Variants in MIA2 observed in about 807,000 individuals in gnomAD.
MIA2 encodes the protein MIA SH3 domain ER export factor 2, also known as melanoma inhibitory activity protein 2.
MIA2 carries 127 observed loss-of-function variants against 167.8 expected under a neutral mutation model. That is an observed-to-expected ratio of 0.76 (90% confidence interval 0.66 to 0.88). MIA2 has a LOEUF of 0.88. Among genes scored for constraint, MIA2 ranks in the 40% least tolerant of loss-of-function variants. MIA2 has a pLI of 0.00. For synonymous variants in MIA2, 552 were observed against 541.9 expected, an observed-to-expected ratio of 1.02 and a Z score of -0.26; for missense variants, 1,690 against 1,624.7, an observed-to-expected ratio of 1.04 and a Z score of -0.69.
chr14:39,319,162 G>T, intron 22 of MIA2, 47 bp from the exon 23 acceptor site: 1 of 1,100,726 alleles, frequency 9.1e-7, no homozygotes, highest in Admixed American at 2.2e-5. Context: ...TTCTTGTGGT[G>T]CTTCTCTTGG....
chr14:39,288,738 T>C (rs2060307825), intron 9 of MIA2, among the ~76,000 whole-genome samples: 1 of 151,412 alleles, frequency 6.6e-6, no homozygotes, highest in Non-Finnish European at 1.5e-5. Context: ...TGGGATTACA[T>C]GCGTGAGCCA....
chr14:39,312,679 T>G (rs753968597), intron 18 of MIA2, among the ~76,000 whole-genome samples: 18 of 107,182 alleles, frequency 1.7e-4, no homozygotes, highest in Non-Finnish European at 2.6e-4. Context: ...TCTCTGTGCT[T>G]CATTGTCGTT....
In MIA2 at chr14:39,247,754, A is replaced by G. The variant is rs2054376952; in HGVS notation, c.1180A>G (p.Lys394Glu). The G allele has an allele frequency of 2.5e-6, 4 of 1,613,496 alleles. No homozygotes were observed. The highest frequency in any genetic ancestry group is 3.4e-6 in the Non-Finnish European group (4 of 1,179,924). The change falls in exon 4 of 29, where the codon AAA becomes GAA. Residue 394 changes from lysine (K) to glutamate (E), a missense_variant. Physicochemically the swap from Lys to Glu is moderately conservative, Grantham distance 56 (BLOSUM62 1). Transcript: ENST00000640607. ...ILGFAYAKED[K>E]IMLDDRKNEE... ...AGGCTTTGCATATGCCAAGGAAGAT[A>G]AAATTATGTTAGATGACAGGAAAAA...
At chr14:39,347,019 C>A in intron 26 of MIA2, 1 of 183,504 alleles carries the variant, frequency 5.4e-6, no homozygotes, top group South Asian at 1.0e-4. Flanking sequence ...CAACCTCCGC[C>A]TCCTGGGTTA....
intron 6 of MIA2, among the ~76,000 whole-genome samples, chr14:39,263,258 C>G (rs772465113): frequency 1.3e-5 from 2 of 152,148 alleles, no homozygotes; most frequent in Admixed American, 1.3e-4. Context: ...GCCTTTTCTG[C>G]ATGTATTGAG....
At chr14:39,380,506 A>G (rs1222505173) in intron 23 of MIA2, among the ~76,000 whole-genome samples, 1 of 152,072 alleles carries the variant, frequency 6.6e-6, no homozygotes, top group Non-Finnish European at 1.5e-5. Flanking sequence ...CATCCTGGCC[A>G]ACATGGTGAA....
At chr14:39,285,685 C>T (rs1204952791) in intron 9 of MIA2, among the ~76,000 whole-genome samples, 8 of 148,562 alleles carry the variant, frequency 5.4e-5, no homozygotes, top group Non-Finnish European at 9.0e-5. Context: ...CCCTCCCGGT[C>T]GGGGTGGCTG....
At chr14:39,252,137 G>T (rs1016070041) in intron 4 of MIA2, among the ~76,000 whole-genome samples, 2 of 152,064 alleles carry the variant, frequency 1.3e-5, no homozygotes, top group East Asian at 1.9e-4. Context: ...TAAAGAAAAG[G>T]CTATGTAGTA....
At chr14:39,386,083 G>T (rs1210171189) in intron 23 of MIA2, 10 of 1,271,346 alleles carry the variant, frequency 7.9e-6, no homozygotes, top group African/African-American at 1.5e-5. Context: ...TAAGAAACCC[G>T]CAGCACACTC....
chr14:39,266,889 GCCGCCA>G (rs1255134720), intron 6 of MIA2: 10 of 717,382 alleles, frequency 1.4e-5, no homozygotes, highest in Non-Finnish European at 1.7e-5. Context: ...TCTCGCCGCC[GCCGCCA>G]CCGCGGCCGC....
chr14:39,238,569 C>A (rs193253636), intron 2 of MIA2, among the ~76,000 whole-genome samples: 15 of 151,630 alleles, frequency 9.9e-5, no homozygotes, highest in Non-Finnish European at 2.2e-4. Context: ...CTAAAGTGGG[C>A]GGATCACTTG....
At chr14:39,380,753 A>G (rs1263828521) in intron 23 of MIA2, among the ~76,000 whole-genome samples, 1 of 151,554 alleles carries the variant, frequency 6.6e-6, no homozygotes, top group Non-Finnish European at 1.5e-5. Context: ...GAAATCTACC[A>G]TAGGATTATA....
chr14:39,355,614 C>T (rs1212651963), downstream of MIA2, among the ~76,000 whole-genome samples: 1 of 152,126 alleles, frequency 6.6e-6, no homozygotes, highest in Non-Finnish European at 1.5e-5. Context: ...TGAGAGAGGG[C>T]ATCCCTGTCT....
chr14:39,267,372 C>A, intron 6 of MIA2: 1 of 1,593,818 alleles, frequency 6.3e-7, no homozygotes, highest in Non-Finnish European at 8.5e-7. Flanking sequence ...ATTCGGGTTC[C>A]GGACCGAAGG....
chr14:39,315,807 A>G, intron 21 of MIA2, 89 bp downstream of exon 21: 4 of 855,932 alleles, frequency 4.7e-6, no homozygotes, highest in Non-Finnish European at 7.2e-6. Context: ...ATGAAAATAA[A>G]TATAGTATTC....
Position 39,285,430 on chromosome 14 carries a change from C to G in MIA2, c.2131-5589C>G, listed in dbSNP as rs2059517875. On this transcript the variant is annotated intron_variant, in intron 9 of 28. Coordinates refer to ENST00000640607, the MANE Select transcript of MIA2 (RefSeq NM_001329214.4). ...GGCGGCTGGCCGGGCGGGGGCTGACCCCCCCACCTTCCTCCCGGACGGGGC... is the reference window on the plus strand; with the variant it reads ...GGCGGCTGGCCGGGCGGGGGCTGACGCCCCCACCTTCCTCCCGGACGGGGC... 1.5e-5 allele frequency among the ~76,000 whole-genome samples: 2 copies of G among 136,068 alleles called. 1 individual carries two copies. The highest frequency in any genetic ancestry group is 3.2e-5 in the Non-Finnish European group (2 of 61,620). The allele number at this position is 136,068 out of a possible 152,430, so 89.3% of individuals were successfully genotyped here.
In MIA2 at chr14:39,294,967, C is replaced by A; in HGVS notation, c.2434C>A (p.Leu812Met). ...FKIFQMNEERLKIAIKDALNE... is the reference protein window; with the variant it reads ...FKIFQMNEERMKIAIKDALNE... ...GATATTTCAAATGAATGAAGAACGA[C>A]TGAAGATAGCAATAAAAGATGCTTT... is the stretch of plus-strand genomic sequence containing the variant. Residue 812 changes from leucine (L) to methionine (M), a missense_variant, in exon 13 of 29, where the codon CTG (leucine) becomes ATG (methionine). By Grantham distance (15) the Leu-to-Met change is conservative. Transcript: ENST00000640607. 2 of 1,613,740 alleles carry A rather than the reference C, an allele frequency of 1.2e-6. No homozygotes were observed. Among genetic ancestry groups the A allele is most frequent in the Non-Finnish European group, 1.7e-6 (2 of 1,179,876 alleles).
intron 25 of MIA2, among the ~76,000 whole-genome samples, chr14:39,330,690 CTTAT>C (rs1340963508): frequency 1.3e-5 from 2 of 152,102 alleles, no homozygotes; most frequent in African/African-American, 4.8e-5. Flanking sequence ...TTTCAAATAA[CTTAT>C]TTATTTCTGC....
At chr14:39,333,202 C>A (rs548483867) in intron 25 of MIA2, among the ~76,000 whole-genome samples, 75 of 152,186 alleles carry the variant, frequency 4.9e-4, no homozygotes, top group South Asian at 8.3e-4. Flanking sequence ...GGGTCACATT[C>A]TCTTTCTTGA....
Sources: allele counts gnomAD v4.1 joint callset (sites outside exome capture counted in the v4.1 genomes callset), GRCh38; gene constraint gnomAD v4.1.1; transcripts MANE v1.5; gene names NCBI Gene and HGNC (gene_info 2026-07-23, HGNC 2026-07-21).